Variants in FGF12 observed in about 807,000 individuals in gnomAD.
The protein encoded by FGF12 is fibroblast growth factor 12.
FGF12 carries 14 observed loss-of-function variants against 23.6 expected under a neutral mutation model. The ratio of observed to expected loss-of-function variants is 0.59; its 90% confidence interval spans 0.39 to 0.93. The LOEUF (loss-of-function observed/expected upper bound fraction) is 0.93, where lower values mean the gene tolerates loss of function less well. FGF12 is among the 40% of genes least tolerant of loss of function. The pLI is 0.00. For missense variants in FGF12, 175 were observed against 217.8 expected (o/e 0.80, Z 1.24); for synonymous variants, 62 against 77.3 (o/e 0.80, Z 1.04).
intron 5 of FGF12, among the ~76,000 whole-genome samples, chr3:192,155,876 G>C (rs943449900): frequency 6.6e-6 from 1 of 152,120 alleles, no homozygotes; most frequent in Non-Finnish European, 1.5e-5. Context: ...GCCAGATTAA[G>C]TTTCTCTCTT....
At chr3:192,666,732 C>T (rs1716884705) in intron 2 of FGF12, among the ~76,000 whole-genome samples, 3 of 152,074 alleles carry the variant, frequency 2.0e-5, no homozygotes, top group Admixed American at 2.0e-4. Flanking sequence ...AATGTCCTGA[C>T]AGCCTACAGT....
At chr3:192,702,613 C>G (rs934316221) in intron 2 of FGF12, among the ~76,000 whole-genome samples, 4 of 151,870 alleles carry the variant, frequency 2.6e-5, no homozygotes, top group Non-Finnish European at 5.9e-5. Context: ...GGCAACATGG[C>G]GAAACCCTAG....
intron 4 of FGF12, chr3:192,268,765 CTAT>C (rs1324910163): frequency 5.0e-6 from 2 of 398,068 alleles, no homozygotes; most frequent in African/African-American, 4.2e-5. Context: ...CCGATCAAAA[CTAT>C]TGTCTTCATA....
intron 2 of FGF12, among the ~76,000 whole-genome samples, chr3:192,707,496 C>A (rs2108735395): frequency 6.6e-6 from 1 of 152,078 alleles, no homozygotes; most frequent in East Asian, 1.9e-4. Flanking sequence ...GCCTGTAATC[C>A]CAGCACTTTG....
At chr3:192,295,033 T>G (rs913779082) in intron 4 of FGF12, among the ~76,000 whole-genome samples, 1 of 152,168 alleles carries the variant, frequency 6.6e-6, no homozygotes, top group Non-Finnish European at 1.5e-5. Context: ...TGTAAACATA[T>G]TGTTTCTAGT....
intron 4 of FGF12, among the ~76,000 whole-genome samples, chr3:192,302,419 TTAAG>T (rs1275161565): frequency 6.6e-6 from 1 of 152,224 alleles, no homozygotes; most frequent in Non-Finnish European, 1.5e-5. Flanking sequence ...TCTCCCCCTT[TTAAG>T]TCTCACTTTT....
chr3:192,395,824 G>C (rs1720492513), intron 2 of FGF12, among the ~76,000 whole-genome samples: 2 of 152,234 alleles, frequency 1.3e-5, no homozygotes, highest in Non-Finnish European at 2.9e-5. Context: ...CTGCAGCAGA[G>C]TGGATAAATG....
chr3:192,378,068 T>TTCTCTCTCTC (rs1157492371), intron 2 of FGF12, among the ~76,000 whole-genome samples: 2 of 117,210 alleles, frequency 1.7e-5, no homozygotes, highest in South Asian at 2.7e-4. Flanking sequence ...CTTTCTTTCT[T>TTCTCTCTCTC]TCTTTCTTTC....
At chr3:192,410,860 G>A (rs1186218485) in intron 2 of FGF12, among the ~76,000 whole-genome samples, 2 of 152,156 alleles carry the variant, frequency 1.3e-5, no homozygotes, top group Non-Finnish European at 2.9e-5. Flanking sequence ...GGAGACACTG[G>A]GCAGAGGAGT....
At chr3:192,726,901 C>T (rs776252806) in intron 2 of FGF12, 12 of 514,682 alleles carry the variant, frequency 2.3e-5, no homozygotes, top group Non-Finnish European at 4.2e-5. Flanking sequence ...CCTCCTCCTC[C>T]TCCTCCATTT....
chr3:192,474,004 A>G (rs1723245245), intron 2 of FGF12, among the ~76,000 whole-genome samples: 1 of 152,206 alleles, frequency 6.6e-6, no homozygotes, highest in Non-Finnish European at 1.5e-5. Flanking sequence ...TGAATTAAAT[A>G]TTTATTGTAA....
chr3:192,167,138 GA>G, intron 5 of FGF12, among the ~76,000 whole-genome samples: 1 of 117,172 alleles, frequency 8.5e-6, no homozygotes, highest in East Asian at 2.5e-4. Flanking sequence ...CCTAGTCACA[GA>G]ACATTTATTT....
intron 5 of FGF12, among the ~76,000 whole-genome samples, chr3:192,167,772 A>ATATTTTTTTTTTTT (rs1715302128): frequency 6.5e-5 from 1 of 15,396 alleles, no homozygotes; most frequent in African/African-American, 2.2e-4. Flanking sequence ...TATATATAAA[A>ATATTTTTTTTTTTT]TTTTTTTTTT....
chr3:192,480,269 G>A (rs73070250), intron 2 of FGF12, among the ~76,000 whole-genome samples: 4,654 of 152,178 alleles, frequency 0.031, 253 homozygotes, highest in African/African-American at 0.11. Flanking sequence ...TCTCACCCTT[G>A]CCAACAAAAC....
intron 4 of FGF12, among the ~76,000 whole-genome samples, chr3:192,223,272 T>G (rs1007145381): frequency 6.6e-6 from 1 of 152,130 alleles, no homozygotes; most frequent in Non-Finnish European, 1.5e-5. Context: ...TTTAGAAAAG[T>G]CTATTTTGGG....
At chr3:192,654,054 C>T (rs968074596) in intron 2 of FGF12, among the ~76,000 whole-genome samples, 1 of 152,242 alleles carries the variant, frequency 6.6e-6, no homozygotes, top group South Asian at 2.1e-4. Flanking sequence ...GGTGAGTGTG[C>T]CACTCAGACT....
rs116826465 is a variant in FGF12, at chr3:192,654,293, C to T, written c.13+72888G>A. On this transcript the variant is annotated intron_variant, in intron 2 of 5. Coordinates refer to ENST00000445105, the MANE Select transcript of FGF12 (RefSeq NM_004113.6). ...TCCTAATTAGCATTAATGGGTAATA[C>T]ATAGTTGCAGTGTCACACAGGACAG... 8.5e-3 allele frequency among the ~76,000 whole-genome samples: 1,298 copies of T among 152,252 alleles called. 15 individuals are homozygous for T. Among genetic ancestry groups the T allele is most frequent in the African/African-American group, 0.029 (1,224 of 41,546 alleles).
intron 2 of FGF12, among the ~76,000 whole-genome samples, chr3:192,563,484 G>A (rs900202400): frequency 5.9e-5 from 9 of 152,144 alleles, no homozygotes; most frequent in African/African-American, 2.2e-4. Context: ...GGAGACTGAG[G>A]AGAGCCAGAG....
chr3:192,429,976 C>T (rs1721813017), intron 2 of FGF12, among the ~76,000 whole-genome samples: 1 of 152,126 alleles, frequency 6.6e-6, no homozygotes, highest in African/African-American at 2.4e-5. Flanking sequence ...TCTCTGTTGC[C>T]ACTATTCTAT....
Sources: gnomAD v4.1 joint callset for allele counts (sites outside exome capture counted in the v4.1 genomes callset) on GRCh38, gnomAD v4.1.1 for gene constraint, MANE v1.5 for transcripts, NCBI Gene and HGNC (gene_info 2026-07-23, HGNC 2026-07-21) for gene names.